The following FAN1 variants were observed in gnomAD, a reference collection of about 807,000 sequenced individuals.
The protein encoded by FAN1 is FANCD2 and FANCI associated nuclease 1, also known as fanconi-associated nuclease 1.
In FAN1, 91 loss-of-function variants were observed where a neutral mutation model predicts 104.9. The observed-to-expected ratio is 0.87, with a 90% CI of 0.73 to 1.03. FAN1 has a LOEUF of 1.03. FAN1 is among the 50% of genes least tolerant of loss of function. FAN1 has a pLI of 0.00. For missense variants in FAN1, 1,263 were observed against 1,239.9 expected, an observed-to-expected ratio of 1.02 and a Z score of -0.28; for synonymous variants, 478 against 457.6, an observed-to-expected ratio of 1.04 and a Z score of -0.57.
chr15:30,926,854 A>T, intron 10 of FAN1: 1 of 985,436 alleles, frequency 1.0e-6, no homozygotes, highest in Non-Finnish European at 1.2e-6. Flanking sequence ...TTCCCTGATT[A>T]AAATCGATGC....
Position 30,905,466 on chromosome 15 carries a change from A to C in FAN1, c.803A>C (p.Asp268Ala), listed in dbSNP as rs1270169956. ...AATGCGATCATGTTATTCTCACCAG[A>C]TTTCACTCTTAGGAATACATTAAAG... ...SDNAIMLFSP[D>A]FTLRNTLKST... Residue 268 changes from aspartate to alanine, a missense_variant, in exon 2 of 15, where the codon GAT (aspartate) becomes GCT (alanine). Physicochemically the swap from Asp to Ala is moderately radical, Grantham distance 126. Around this residue, in one of 2 missense-constraint regions of FAN1, gnomAD observed 682 missense variants for 571.1 expected, o/e 1.19. Transcript: ENST00000362065. 6.2e-7 allele frequency: 1 copy of C among 1,614,012 alleles called. No individual in the cohort carries two copies. The highest frequency in any genetic ancestry group is 1.1e-5 in the South Asian group (1 of 91,086).
At chr15:30,912,679 T>C (rs144070993) in intron 4 of FAN1, among the ~76,000 whole-genome samples, 8 of 152,286 alleles carry the variant, frequency 5.3e-5, no homozygotes, top group Admixed American at 1.3e-4. Context: ...CATCTTTCAC[T>C]AGCCAAGTGG....
rs142763898 is a variant in FAN1 at position 30,922,354 on chromosome 15, G to A, written c.2172G>A (p.Pro724=). ...ACCAGCACTTGAAGCGCCTGGAACC[G>A]GTACTCAGTAACAAAACATATCTGA... ...NLHQHLKRLE[P]TIKCITEGLA... is the part of the protein sequence containing the mutation. Residue 724 remains proline (P), a splice_region_variant and synonymous_variant, in exon 8 of 15, where the codon CCG becomes CCA. Transcript: ENST00000362065. 114 of 1,596,388 alleles carry A rather than the reference G, an allele frequency of 7.1e-5. No homozygotes were observed. The highest frequency in any genetic ancestry group is 8.4e-5 in the Non-Finnish European group (99 of 1,175,792).
chr15:30,925,815 A>G lies in FAN1; in HGVS notation c.2364A>G (p.Pro788=), dbSNP rs1262128504. The G allele has an allele frequency of 1.9e-6, 3 of 1,614,084 alleles. No homozygotes were observed. The Admixed American group carries it at 5.0e-5, about 27-fold the overall frequency. The change falls in exon 10 of 15, where the codon CCA becomes CCG. Residue 788 remains proline, a synonymous_variant. Coordinates refer to ENST00000362065, the MANE Select transcript of FAN1 (RefSeq NM_014967.5). The part of the protein sequence containing the change: ...KHVTITGRLC[P]QRGMCKSVFV... ...TGACCATCACAGGCAGGCTGTGCCC[A>G]CAGCGTGGGATGTGCAAGTCTGTGT...
intron 14 of FAN1, chr15:30,941,037 A>G: frequency 8.5e-7 from 1 of 1,169,736 alleles, no homozygotes; most frequent in Non-Finnish European, 1.1e-6. Flanking sequence ...TAACCAGAAA[A>G]ATACATGAAT....
chr15:30,923,820 A>G (rs2062393916), intron 8 of FAN1, among the ~76,000 whole-genome samples: 1 of 151,826 alleles, frequency 6.6e-6, no homozygotes, highest in South Asian at 2.1e-4. Context: ...TTTTTCTTTC[A>G]CTTTTTATGT....
intron 13 of FAN1, among the ~76,000 whole-genome samples, chr15:30,933,655 TTTAAG>T (rs2062772824): frequency 6.6e-6 from 1 of 152,088 alleles, no homozygotes; most frequent in African/African-American, 2.4e-5. Context: ...GATAGTGTTG[TTTAAG>T]TTGTCTGTGT....
intron 3 of FAN1, 26 bp downstream of exon 3, chr15:30,908,284 A>G: frequency 6.4e-7 from 1 of 1,551,058 alleles, no homozygotes; most frequent in East Asian, 2.3e-5. Context: ...GGAGATGTGA[A>G]ATGAAAATAT....
chr15:30,911,777 C>T, intron 4 of FAN1: 1 of 949,682 alleles, frequency 1.1e-6, no homozygotes, highest in Middle Eastern at 5.4e-4. Flanking sequence ...ATTTAGCCAC[C>T]CTCTGGCTGG....
chr15:30,930,386 C>G (rs1025802734), intron 12 of FAN1, among the ~76,000 whole-genome samples, 157 bp from the exon 13 acceptor site: 2 of 152,206 alleles, frequency 1.3e-5, no homozygotes, highest in African/African-American at 4.8e-5. Flanking sequence ...GGCTCTGCAG[C>G]TCTGGTACAA....
At chr15:30,905,972 C>T (rs879579723) in intron 2 of FAN1, 75 bp downstream of exon 2, 11 of 1,389,518 alleles carry the variant, frequency 7.9e-6, no homozygotes, top group Middle Eastern at 1.8e-4. Flanking sequence ...ATGTGATGGG[C>T]AGTAATCTAG....
At chr15:30,918,608 G>A (rs1261497275) in intron 6 of FAN1, among the ~76,000 whole-genome samples, 2 of 152,168 alleles carry the variant, frequency 1.3e-5, no homozygotes, top group Non-Finnish European at 1.5e-5. Context: ...GAACTGAAAC[G>A]TGAGGGAAGC....
At chr15:30,919,507 A>G (rs989776647) in intron 6 of FAN1, among the ~76,000 whole-genome samples, 1 of 152,014 alleles carries the variant, frequency 6.6e-6, no homozygotes, top group Admixed American at 6.6e-5. Context: ...CCTGGCCAAC[A>G]TGGTGAAACC....
At chr15:30,933,270 A>T (rs1276954816) in intron 13 of FAN1, among the ~76,000 whole-genome samples, 1 of 152,122 alleles carries the variant, frequency 6.6e-6, no homozygotes, top group Non-Finnish European at 1.5e-5. Context: ...TAGTGCTCCA[A>T]ATTTCCTTCT....
chr15:30,910,930 T>G (rs1234889406), intron 4 of FAN1, 115 bp downstream of exon 4: 1 of 1,399,716 alleles, frequency 7.1e-7, no homozygotes, highest in East Asian at 2.6e-5. Flanking sequence ...TGTAGTTAGA[T>G]TGAGAAGGCT....
At chr15:30,929,952 A>G (rs1306846077) in intron 12 of FAN1, among the ~76,000 whole-genome samples, 1 of 122,888 alleles carries the variant, frequency 8.1e-6, no homozygotes, top group South Asian at 2.2e-4. Flanking sequence ...ATAATATAAT[A>G]TATATCATAT....
chr15:30,942,139 CA>C lies in FAN1; in HGVS notation c.*580del. 3.3e-6 allele frequency: 5 copies of C among 1,493,284 alleles called. No homozygotes were observed. The highest frequency in any genetic ancestry group is 4.5e-6 in the Non-Finnish European group (5 of 1,105,834). 92.5% of individuals were successfully genotyped at this position (1,493,284 alleles called of 1,614,324 possible). On this transcript the variant is annotated 3_prime_UTR_variant, in exon 15 of 15. Coordinates refer to ENST00000362065, the MANE Select transcript of FAN1 (RefSeq NM_014967.5). ...TTAGAAAGATTGAAGGATGCAATGGCAAATATAAACTCAATACTATGAAAAA... is the reference window on the plus strand; with the variant it reads ...TTAGAAAGATTGAAGGATGCAATGGCAATATAAACTCAATACTATGAAAAA...
intron 13 of FAN1, among the ~76,000 whole-genome samples, chr15:30,934,899 T>C (rs2062810265): frequency 6.6e-6 from 1 of 152,364 alleles, no homozygotes; most frequent in Admixed American, 6.5e-5. Flanking sequence ...TTATATGTTC[T>C]ATAACATATT....
Position 30,905,839 on chromosome 15 carries a change from TA to T in FAN1, c.1177del (p.Met393CysfsTer12). The T allele has an allele frequency of 3.1e-6, 5 of 1,613,976 alleles. No individual in the cohort carries two copies. Among genetic ancestry groups the T allele is most frequent in the Non-Finnish European group, 3.4e-6 (4 of 1,179,826 alleles). On this transcript the variant is annotated frameshift_variant, in exon 2 of 15. Coordinates refer to ENST00000362065, the MANE Select transcript of FAN1 (RefSeq NM_014967.5). LOFTEE classifies it high-confidence loss of function. ...AAACCGTACTTGAGAATGAAGATGA[TA>T]TGTTGCTCTTTGATGAGCAGGAGAA... ...LKTVLENEDDMLLFDEQEKGI... is the reference protein window; with the variant it reads ...LKTVLENEDDXLLFDEQEKGI...
Sources: allele counts gnomAD v4.1 joint callset (sites outside exome capture counted in the v4.1 genomes callset), GRCh38; gene constraint gnomAD v4.1.1; regional missense constraint gnomAD v4.1.1; transcripts MANE v1.5; gene names NCBI Gene and HGNC (gene_info 2026-07-23, HGNC 2026-07-21).